Variants in RBM33 observed in about 807,000 individuals in gnomAD.
RBM33 encodes RNA-binding protein 33.
RBM33 carries 28 observed loss-of-function variants against 132.6 expected under a neutral mutation model. The ratio of observed to expected loss-of-function variants is 0.21; its 90% confidence interval spans 0.16 to 0.29. The LOEUF (loss-of-function observed/expected upper bound fraction) is 0.29, where lower values mean the gene tolerates loss of function less well. RBM33 is among the 10% of genes least tolerant of loss of function. RBM33 has a pLI of 1.00. For missense variants in RBM33, 1,291 were observed against 1,518.5 expected, an observed-to-expected ratio of 0.85 and a Z score of 2.49; for synonymous variants, 634 against 593.0, an observed-to-expected ratio of 1.07 and a Z score of -1.01.
At chr7:155,671,239 T>C (rs1798935384) in intron 2 of RBM33, among the ~76,000 whole-genome samples, 1 of 152,208 alleles carries the variant, frequency 6.6e-6, no homozygotes, top group South Asian at 2.1e-4. Context: ...TGATAGATGA[T>C]AGTGGTTTTA....
intron 1 of RBM33, among the ~76,000 whole-genome samples, chr7:155,658,238 A>T (rs995705265): frequency 6.6e-6 from 1 of 152,260 alleles, no homozygotes; most frequent in African/African-American, 2.4e-5. Flanking sequence ...TTTTGGATTT[A>T]AAAATATTTT....
At chr7:155,729,785 A>G (rs554615222) in intron 9 of RBM33, among the ~76,000 whole-genome samples, 45 of 151,608 alleles carry the variant, frequency 3.0e-4, no homozygotes, top group Admixed American at 7.9e-4. Context: ...GTAAGAACTC[A>G]GTTCTGTTAA....
At position 155,692,361 on chromosome 7, in the gene RBM33, C is replaced by G. The variant is rs569413900; in HGVS notation, c.568-8412C>G. Reference sequence around the variant, plus strand: ...TTCATTTAGCTGCAGGTTTTGTGAGCAAAGCGAGCAAATCACTGCCTGTCC... The same window carrying G: ...TTCATTTAGCTGCAGGTTTTGTGAGGAAAGCGAGCAAATCACTGCCTGTCC... On this transcript the variant is annotated intron_variant, in intron 5 of 17. Coordinates refer to ENST00000401878, the MANE Select transcript of RBM33 (RefSeq NM_053043.3). Among the ~76,000 whole-genome samples the G allele has an allele frequency of 4.1e-4, 62 of 152,262 alleles. 1 individual carries two copies. The highest frequency in any genetic ancestry group is 3.5e-3 in the South Asian group (17 of 4,826).
rs746053908 is a variant in RBM33 at position 155,711,313 on chromosome 7, A to G, written c.1059A>G (p.Pro353=). The G allele has an allele frequency of 8.1e-6, 13 of 1,606,308 alleles. No homozygotes were observed. The East Asian group carries it at 2.7e-4, about 34-fold the overall frequency. ...PLLPVQHPHH[P]SPPQGMHMPP... The stretch of plus-strand genomic sequence containing the variant: ...TTCCGGTGCAGCACCCGCACCACCC[A>G]TCCCCGCCTCAGGGAATGCACATGC... The change falls in exon 8 of 18, where the codon CCA becomes CCG. Residue 353 remains proline, a synonymous_variant. Coordinates refer to ENST00000401878, the MANE Select transcript of RBM33 (RefSeq NM_053043.3).
intron 14 of RBM33, among the ~76,000 whole-genome samples, chr7:155,754,291 G>A (rs867591222): frequency 6.6e-6 from 1 of 152,168 alleles, no homozygotes; most frequent in Non-Finnish European, 1.5e-5. Flanking sequence ...TTTCTTCAAT[G>A]TCTTAGGTAA....
In RBM33 at chr7:155,666,898, T is replaced by C. The variant is rs1242784039; in HGVS notation, c.122+1645T>C. Reference sequence around the variant, plus strand: ...GATGTATAATCTTTTTTCTGTGTAGTTTTTATTCTTTTTTTATTAAAACAT... The same window carrying C: ...GATGTATAATCTTTTTTCTGTGTAGCTTTTATTCTTTTTTTATTAAAACAT... On this transcript the variant is annotated intron_variant, in intron 2 of 17. Coordinates refer to ENST00000401878, the MANE Select transcript of RBM33 (RefSeq NM_053043.3). Among the ~76,000 whole-genome samples the C allele has an allele frequency of 2.0e-5, 3 of 152,168 alleles. No individual in the cohort carries two copies. The East Asian group carries it at 5.8e-4, about 29-fold the overall frequency.
At chr7:155,704,319 AT>A (rs1435989022) in intron 6 of RBM33, among the ~76,000 whole-genome samples, 26 of 152,308 alleles carry the variant, frequency 1.7e-4, no homozygotes, top group African/African-American at 5.8e-4. Context: ...ACAGAAAAAG[AT>A]TTGAGTGACA....
At chr7:155,652,043 G>A (rs991564905) in intron 1 of RBM33, among the ~76,000 whole-genome samples, 2 of 152,112 alleles carry the variant, frequency 1.3e-5, no homozygotes, top group Non-Finnish European at 2.9e-5. Context: ...TGTTCACTTC[G>A]AAAGTTATTG....
At chr7:155,714,337 G>A (rs1427476197) in intron 8 of RBM33, among the ~76,000 whole-genome samples, 1 of 152,194 alleles carries the variant, frequency 6.6e-6, no homozygotes, top group East Asian at 1.9e-4. Flanking sequence ...GGCTGAGATG[G>A]TGAAAAGGAG....
chr7:155,694,347 A>G (rs1294987381), intron 5 of RBM33, among the ~76,000 whole-genome samples: 1 of 152,206 alleles, frequency 6.6e-6, no homozygotes, highest in East Asian at 1.9e-4. Context: ...GTCTTCTAAC[A>G]TAGTTATTTA....
chr7:155,688,131 G>A (rs561601584), intron 5 of RBM33, among the ~76,000 whole-genome samples: 10 of 152,050 alleles, frequency 6.6e-5, no homozygotes, highest in East Asian at 3.9e-4. Flanking sequence ...TTCCATTTGC[G>A]TGTGTCCTCT....
intron 1 of RBM33, among the ~76,000 whole-genome samples, chr7:155,646,430 C>A (rs986857892): frequency 1.3e-5 from 2 of 152,180 alleles, no homozygotes; most frequent in African/African-American, 4.8e-5. Flanking sequence ...GTTTTTCCTT[C>A]CATTTTGTCA....
chr7:155,683,295 G>A (rs1331892072), intron 5 of RBM33, among the ~76,000 whole-genome samples: 2 of 152,208 alleles, frequency 1.3e-5, no homozygotes, highest in Non-Finnish European at 2.9e-5. Flanking sequence ...TCTGTCTTCG[G>A]AGGCTGTCAC....
chr7:155,767,868 A>G (rs1043634507), intron 16 of RBM33, among the ~76,000 whole-genome samples: 2 of 152,250 alleles, frequency 1.3e-5, no homozygotes, highest in African/African-American at 2.4e-5. Flanking sequence ...GGTAGACACT[A>G]GAGCATTTTA....
intron 5 of RBM33, among the ~76,000 whole-genome samples, chr7:155,694,904 C>G (rs1197945183): frequency 6.6e-6 from 1 of 152,012 alleles, no homozygotes; most frequent in African/African-American, 2.4e-5. Flanking sequence ...TTTTGTTTCT[C>G]TTGGTTATTA....
rs1207428034 is a variant in RBM33 at position 155,781,424 on chromosome 7, T to C, written c.*6383T>C. The C allele has an allele frequency of 6.6e-6, 1 of 152,218 alleles. No homozygotes were observed. The highest frequency in any genetic ancestry group is 1.5e-5 in the Non-Finnish European group (1 of 68,034). The allele number at this position is 152,218 out of a possible 1,614,324, so 9.4% of individuals were successfully genotyped here. ...TGTGATTTCGTACCAAAAAAATGTG[T>C]TTGAACTATATTGTATGTAATTTGG... On this transcript the variant is annotated 3_prime_UTR_variant, in exon 18 of 18. Transcript: ENST00000401878.
intron 2 of RBM33, 85 bp from the exon 3 acceptor site, chr7:155,672,772 TGAGCTGTAGA>T (rs1166911159): frequency 3.0e-6 from 2 of 672,314 alleles, no homozygotes; most frequent in African/African-American, 4.0e-5. Context: ...AAAAGGTACC[TGAGCTGTAGA>T]GTTCTTGGTA....
In RBM33 at chr7:155,688,431, A is replaced by G. The variant is rs185641873; in HGVS notation, c.567+7523A>G. On this transcript the variant is annotated intron_variant, in intron 5 of 17. Coordinates refer to ENST00000401878, the MANE Select transcript of RBM33 (RefSeq NM_053043.3). Reference sequence around the variant, plus strand: ...GTCATATCATCTGCAAACAGGGACAATTTGACTTCCTCTTTTCCTAATTGA... The same window carrying G: ...GTCATATCATCTGCAAACAGGGACAGTTTGACTTCCTCTTTTCCTAATTGA... 3.2e-4 allele frequency among the ~76,000 whole-genome samples: 49 copies of G among 152,296 alleles called. 2 individuals carry two copies. The East Asian group carries it at 8.1e-3, about 25-fold the overall frequency.
At chr7:155,717,747 A>G (rs557527977) in intron 8 of RBM33, among the ~76,000 whole-genome samples, 1 of 152,304 alleles carries the variant, frequency 6.6e-6, no homozygotes, top group East Asian at 1.9e-4. Context: ...ACTTACATCT[A>G]GCTTCTTCTC....
Sources: allele counts gnomAD v4.1 joint callset (sites outside exome capture counted in the v4.1 genomes callset), GRCh38; gene constraint gnomAD v4.1.1; transcripts MANE v1.5; gene names NCBI Gene and HGNC (gene_info 2026-07-23, HGNC 2026-07-21).